The following RHOBTB1 variants were observed in gnomAD, a reference collection of about 807,000 sequenced individuals.
The protein encoded by RHOBTB1 is Rho related BTB domain containing 1, also known as rho-related BTB domain-containing protein 1.
In RHOBTB1, 40 loss-of-function variants were observed where a neutral mutation model predicts 71.6. The ratio of observed to expected loss-of-function variants is 0.56; its 90% CI spans 0.43 to 0.73. The LOEUF (loss-of-function observed/expected upper bound fraction) is 0.73. Ranked by LOEUF, RHOBTB1 falls within the 30% of genes least tolerant of loss-of-function variation. RHOBTB1 has a pLI of 0.00. For missense variants in RHOBTB1, 797 were observed against 894.0 expected, an observed-to-expected ratio of 0.89 and a Z score of 1.38; for synonymous variants, 319 against 334.9, an observed-to-expected ratio of 0.95 and a Z score of 0.52.
chr10:60,862,542 C>CTTTT, the RHOBTB1 span, among the ~76,000 whole-genome samples: 3,481 of 150,150 alleles, frequency 0.023, 158 homozygotes, highest in African/African-American at 0.078. Flanking sequence ...CTTTCTCTTT[C>CTTTT]TTTCTTTCTT....
At chr10:60,984,441 G>A (rs1416001745) in intron 2 of RHOBTB1, among the ~76,000 whole-genome samples, 1 of 152,178 alleles carries the variant, frequency 6.6e-6, no homozygotes, top group Non-Finnish European at 1.5e-5. Context: ...GCCTTAATGA[G>A]AGATATTATT....
At chr10:60,892,663 C>T in intron 5 of RHOBTB1, 147 bp downstream of exon 5, 5 of 632,012 alleles carry the variant, frequency 7.9e-6, no homozygotes, top group Non-Finnish European at 1.0e-5. Context: ...GGGCACACTC[C>T]TCATGATTTA....
intron 4 of RHOBTB1, among the ~76,000 whole-genome samples, chr10:60,896,811 C>A (rs144702353): frequency 6.6e-6 from 1 of 152,172 alleles, no homozygotes; most frequent in African/African-American, 2.4e-5. Context: ...CTAGTCAAAT[C>A]AAAAACAATC....
At chr10:60,877,785 C>T (rs1371522810) in intron 8 of RHOBTB1, 123 bp downstream of exon 8, 22 of 921,344 alleles carry the variant, frequency 2.4e-5, no homozygotes, top group Non-Finnish European at 3.6e-5. Flanking sequence ...TATCATTCTA[C>T]ACAAGACAGT....
chr10:60,983,888 C>A (rs1180735167), intron 2 of RHOBTB1, among the ~76,000 whole-genome samples: 1 of 152,162 alleles, frequency 6.6e-6, no homozygotes, highest in African/African-American at 2.4e-5. Flanking sequence ...ATTTCAGTAT[C>A]TTTTTCAAGC....
intron 2 of RHOBTB1, among the ~76,000 whole-genome samples, chr10:60,960,910 T>A (rs140929657): frequency 1.3e-5 from 2 of 152,148 alleles, no homozygotes; most frequent in African/African-American, 4.8e-5. Context: ...ATTGTGGTCA[T>A]TGTCAAACTC....
At chr10:60,878,154 A>T (rs2081134741) in intron 7 of RHOBTB1, 96 bp from the exon 8 acceptor site, 1 of 974,018 alleles carries the variant, frequency 1.0e-6, no homozygotes, top group Admixed American at 2.1e-5. Context: ...GTGTGACTTG[A>T]TATTGGTGAG....
intron 2 of RHOBTB1, among the ~76,000 whole-genome samples, chr10:60,915,457 A>C (rs2083221207): frequency 6.6e-6 from 1 of 152,214 alleles, no homozygotes; most frequent in East Asian, 1.9e-4. Context: ...AAAAAAAAGA[A>C]AAGCCTGAAA....
At chr10:60,934,973 C>T (rs943523315) in intron 2 of RHOBTB1, among the ~76,000 whole-genome samples, 4 of 152,124 alleles carry the variant, frequency 2.6e-5, no homozygotes, top group African/African-American at 7.2e-5. Context: ...AGAAGGCAGT[C>T]GAGATTGGCT....
chr10:60,944,660 G>T (rs1447068601), upstream of RHOBTB1, among the ~76,000 whole-genome samples: 2 of 152,208 alleles, frequency 1.3e-5, no homozygotes, highest in Non-Finnish European at 2.9e-5. Flanking sequence ...CGGCTGGGCA[G>T]CATGGCTTTC....
Position 60,986,431 on chromosome 10 carries a change from A to ATATATATATATATATAT in RHOBTB1, c.-162-487_-162-486insATATATATATATATATA, listed in dbSNP as rs1554860002. On this transcript the variant is annotated intron_variant, in intron 1 of 11. Coordinates refer to the RHOBTB1 transcript ENST00000357917. ...TATATATATATATATATATATATAT[A>ATATATATATATATATAT]AAATATATATAGGCCATATATACTG... Among the ~76,000 whole-genome samples the ATATATATATATATATAT allele has an allele frequency of 8.1e-4, 109 of 134,600 alleles. 1 individual carries two copies. Among genetic ancestry groups the ATATATATATATATATAT allele is most frequent in the African/African-American group, 2.5e-3 (89 of 35,460 alleles). 88.3% of individuals were successfully genotyped at this position (134,600 alleles called of 152,430 possible). A position where few individuals can be genotyped will look rare whatever the true frequency, so the allele number is the denominator to read the frequency against.
Position 60,871,390 on chromosome 10 carries a change from C to T in RHOBTB1, c.*92G>A, listed in dbSNP as rs143090166. 3.0e-4 allele frequency: 398 copies of T among 1,343,210 alleles called. 3 individuals carry two copies. In the African/African-American group the frequency reaches 5.3e-3, roughly 18 times the overall value. 83.2% of individuals were successfully genotyped at this position (1,343,210 alleles called of 1,614,324 possible). On this transcript the variant is annotated 3_prime_UTR_variant, in exon 11 of 11. Coordinates refer to ENST00000337910, the MANE Select transcript of RHOBTB1 (RefSeq NM_014836.5). ...GCCCGAAACCTGAACTATGTCGTAT[C>T]TCTAACAAGACGAATTTTATAGTAG...
chr10:60,913,570 C>T (rs2083104221), intron 2 of RHOBTB1, among the ~76,000 whole-genome samples: 2 of 152,150 alleles, frequency 1.3e-5, no homozygotes, highest in Admixed American at 1.3e-4. Flanking sequence ...TTGGTAGGTC[C>T]TAAACAAATC....
chr10:60,901,637 A>G (rs1274902666), intron 4 of RHOBTB1, among the ~76,000 whole-genome samples: 1 of 152,232 alleles, frequency 6.6e-6, no homozygotes, highest in East Asian at 1.9e-4. Context: ...GGGCTGGAAT[A>G]TATTTCTTCA....
chr10:60,891,148 G>A (rs575434361), intron 5 of RHOBTB1, among the ~76,000 whole-genome samples: 3 of 152,162 alleles, frequency 2.0e-5, no homozygotes, highest in South Asian at 4.1e-4. Context: ...GAAGGATTGT[G>A]AAAACTGAAT....
the RHOBTB1 span, among the ~76,000 whole-genome samples, chr10:60,862,280 T>C: frequency 0.18 from 27,448 of 151,806 alleles, 2,777 homozygotes; most frequent in African/African-American, 0.27. Context: ...TAACTGAAAC[T>C]TTTACCACCT....
At chr10:60,975,755 A>C (rs535622789) in intron 2 of RHOBTB1, among the ~76,000 whole-genome samples, 1 of 152,210 alleles carries the variant, frequency 6.6e-6, no homozygotes, top group South Asian at 2.1e-4. Context: ...GAAATGTTTC[A>C]TTTTGGCAAA....
chr10:60,893,397 A>G (rs2082016568), intron 4 of RHOBTB1, among the ~76,000 whole-genome samples: 1 of 152,234 alleles, frequency 6.6e-6, no homozygotes, highest in Non-Finnish European at 1.5e-5. Context: ...CATAAAGGTG[A>G]TGATGACTCA....
intron 2 of RHOBTB1, among the ~76,000 whole-genome samples, chr10:60,917,578 A>G (rs1353324650): frequency 6.6e-6 from 1 of 152,176 alleles, no homozygotes; most frequent in Admixed American, 6.5e-5. Context: ...AGGCAGAGAC[A>G]CAAAGCTCTG....
Sources: allele counts gnomAD v4.1 joint callset (sites outside exome capture counted in the v4.1 genomes callset), GRCh38; gene constraint gnomAD v4.1.1; transcripts MANE v1.5; gene names NCBI Gene and HGNC (gene_info 2026-07-23, HGNC 2026-07-21).